The following RPN2 variants were observed in gnomAD, a reference collection of about 807,000 sequenced individuals.
The protein encoded by RPN2 is ribophorin II.
RPN2 carries 29 observed loss-of-function variants against 71.4 expected under a neutral mutation model. The observed-to-expected ratio is 0.41, with a 90% CI of 0.30 to 0.55. The LOEUF is 0.55. Among genes scored for constraint, RPN2 ranks in the 20% least tolerant of loss-of-function variants. RPN2 has a pLI of 0.35. For missense variants in RPN2, 726 were observed against 774.1 expected, an observed-to-expected ratio of 0.94 and a Z score of 0.74; for synonymous variants, 308 against 305.0, an observed-to-expected ratio of 1.01 and a Z score of -0.10.
chr20:37,236,557 T>A (rs1162188399), intron 15 of RPN2, 23 bp from the exon 16 acceptor site: 1 of 1,613,734 alleles, frequency 6.2e-7, no homozygotes, highest in East Asian at 2.2e-5. Flanking sequence ...TTTAATTGGA[T>A]GTCATGACAC....
intron 2 of RPN2, among the ~76,000 whole-genome samples, chr20:37,187,120 G>GT (rs1250643803): frequency 6.6e-6 from 1 of 152,056 alleles, no homozygotes; most frequent in African/African-American, 2.4e-5. Flanking sequence ...GTAGGGATTT[G>GT]TTTTTTCATC....
chr20:37,227,378 C>T (rs2284354), intron 11 of RPN2, among the ~76,000 whole-genome samples: 124,614 of 152,222 alleles, frequency 0.82, 51,700 homozygotes, highest in Middle Eastern at 0.92. Context: ...GAATCATGGC[C>T]TAGAGACCTT....
At chr20:37,233,797 C>T (rs1370501475) in intron 14 of RPN2, among the ~76,000 whole-genome samples, 1 of 152,134 alleles carries the variant, frequency 6.6e-6, no homozygotes, top group African/African-American at 2.4e-5. Context: ...GTTACACGAG[C>T]CCATTTGAGA....
chr20:37,205,107 C>T (rs1222769827), intron 6 of RPN2, among the ~76,000 whole-genome samples: 1 of 152,164 alleles, frequency 6.6e-6, no homozygotes, highest in African/African-American at 2.4e-5. Flanking sequence ...GACGTGTAAA[C>T]AAACCATGCT....
At position 37,204,846 on chromosome 20, in the gene RPN2, T is replaced by C. The variant is rs1568976026; in HGVS notation, c.635T>C (p.Val212Ala). 1 of 1,614,192 alleles carries C rather than the reference T, an allele frequency of 6.2e-7. No homozygotes were observed. Among genetic ancestry groups the C allele is most frequent in the Admixed American group, 1.7e-5 (1 of 60,024 alleles). Reference protein sequence around the residue: ...EEGLETTALFVAATYKLMDHV... With the variant: ...EEGLETTALFAAATYKLMDHV... The stretch of plus-strand genomic sequence containing the variant: ...GGACTGGAAACAACAGCGTTATTTG[T>C]GGCTGCCACCTACAAGCTCATGGAT... The change falls in exon 6 of 17, where the codon GTG (valine) becomes GCG (alanine). Residue 212 changes from valine to alanine, a missense_variant. Physicochemically the swap from Val to Ala is moderately conservative, Grantham distance 64. Coordinates refer to ENST00000237530, the MANE Select transcript of RPN2 (RefSeq NM_002951.5).
rs745642373 is a variant in RPN2 at position 37,234,109 on chromosome 20, G to A, written c.1753+14G>A. The A allele has an allele frequency of 6.2e-7, 1 of 1,613,632 alleles. No homozygotes were observed. Among genetic ancestry groups the A allele is most frequent in the Non-Finnish European group, 8.5e-7 (1 of 1,179,738 alleles). ...TGGGACATGCTGGTAAGTGCCCCAGGCTGCTAATTACCTGTAACGTCCTCT... is the reference window on the plus strand; with the variant it reads ...TGGGACATGCTGGTAAGTGCCCCAGACTGCTAATTACCTGTAACGTCCTCT... On this transcript the variant is annotated intron_variant, in intron 15 of 16. Transcript: ENST00000237530.
intron 2 of RPN2, among the ~76,000 whole-genome samples, chr20:37,192,455 C>T (rs1414644663): frequency 2.0e-5 from 3 of 152,334 alleles, no homozygotes; most frequent in Admixed American, 2.0e-4. Flanking sequence ...GCAGAGGGAG[C>T]CGGCACTCAC....
chr20:37,223,827 C>T (rs767486089), intron 9 of RPN2, 51 bp from the exon 10 acceptor site: 5 of 1,476,104 alleles, frequency 3.4e-6, no homozygotes, highest in Non-Finnish European at 2.8e-6. Flanking sequence ...CATGTGAATT[C>T]CTGAACACCC....
intron 6 of RPN2, among the ~76,000 whole-genome samples, chr20:37,205,201 C>G (rs2067485993): frequency 1.3e-5 from 2 of 151,902 alleles, no homozygotes; most frequent in South Asian, 4.1e-4. Context: ...CCTTTCTTCC[C>G]AGTACCCTTT....
intron 7 of RPN2, among the ~76,000 whole-genome samples, chr20:37,208,228 C>T (rs920341387): frequency 1.3e-5 from 2 of 150,120 alleles, no homozygotes; most frequent in African/African-American, 4.9e-5. Flanking sequence ...CGAGACTGCA[C>T]CACTGCACTC....
At position 37,198,446 on chromosome 20, in the gene RPN2, C is replaced by A. The variant is rs764273596; in HGVS notation, c.257C>A (p.Ser86Tyr). Residue 86 changes from serine to tyrosine, a missense_variant, in exon 3 of 17, where the codon TCC becomes TAC. Physicochemically the swap from Ser to Tyr is moderately radical, Grantham distance 144. Transcript: ENST00000237530. ...AACCTTGATCCCAGCAATGTGGATTCCCTCTTCTACGCTGCCCAGGCCAGC... is the reference window on the plus strand; with the variant it reads ...AACCTTGATCCCAGCAATGTGGATTACCTCTTCTACGCTGCCCAGGCCAGC... ...RSNLDPSNVDSLFYAAQASQA... is the reference protein window; with the variant it reads ...RSNLDPSNVDYLFYAAQASQA... 11 of 1,614,100 alleles carry A rather than the reference C, an allele frequency of 6.8e-6. No individual in the cohort carries two copies. In the African/African-American group the frequency reaches 1.3e-4, roughly 20 times the overall value.
chr20:37,191,116 G>A (rs1380522690), intron 2 of RPN2, among the ~76,000 whole-genome samples: 3 of 152,140 alleles, frequency 2.0e-5, no homozygotes, highest in Non-Finnish European at 4.4e-5. Context: ...GGGAGAAATG[G>A]GGTTTAATGA....
At chr20:37,184,102 T>C (rs2066945309) in intron 1 of RPN2, 78 bp from the exon 2 acceptor site, 38 of 1,538,928 alleles carry the variant, frequency 2.5e-5, no homozygotes, top group Non-Finnish European at 3.1e-5. Flanking sequence ...TCCCAGATCT[T>C]GGTGTGCATC....
Position 37,198,506 on chromosome 20 carries a change from C to G in RPN2, c.303+14C>G, listed in dbSNP as rs6104015. ...TCAGGATGTGAGGTGAGTCCGGGTTCCTACGCTGACAATGACTTTAACTAT... is the reference window on the plus strand; with the variant it reads ...TCAGGATGTGAGGTGAGTCCGGGTTGCTACGCTGACAATGACTTTAACTAT... On this transcript the variant is annotated intron_variant, in intron 3 of 16. Coordinates refer to ENST00000237530, the MANE Select transcript of RPN2 (RefSeq NM_002951.5). 1 of 1,614,050 alleles carries G rather than the reference C, an allele frequency of 6.2e-7. No individual in the cohort carries two copies. Among genetic ancestry groups the G allele is most frequent in the Admixed American group, 1.7e-5 (1 of 59,974 alleles).
At chr20:37,188,263 G>A (rs1199204996) in intron 2 of RPN2, among the ~76,000 whole-genome samples, 1 of 152,044 alleles carries the variant, frequency 6.6e-6, no homozygotes, top group African/African-American at 2.4e-5. Flanking sequence ...CCGCCTGCTG[G>A]GTTCAAGCGA....
intron 13 of RPN2, among the ~76,000 whole-genome samples, chr20:37,230,963 G>A (rs2068227825): frequency 6.6e-6 from 1 of 151,818 alleles, no homozygotes; most frequent in African/African-American, 2.4e-5. Flanking sequence ...AGGAACAGGA[G>A]GCTCAAGTGG....
In RPN2 at chr20:37,228,694, T is replaced by C; in HGVS notation, c.1444T>C (p.Tyr482His). Reference sequence around the variant, plus strand: ...CTCTGCCTCTGGCACCTACACTCTCTACTTAATCATTGGAGATGCCACTTT... The same window carrying C: ...CTCTGCCTCTGGCACCTACACTCTCCACTTAATCATTGGAGATGCCACTTT... ...FDSASGTYTL[Y>H]LIIGDATLKN... Residue 482 changes from tyrosine to histidine, a missense_variant, in exon 12 of 17, where the codon TAC (tyrosine) becomes CAC (histidine). Coordinates refer to ENST00000237530, the MANE Select transcript of RPN2 (RefSeq NM_002951.5). 1 of 1,614,242 alleles carries C rather than the reference T, an allele frequency of 6.2e-7. No individual in the cohort carries two copies. Among genetic ancestry groups the C allele is most frequent in the Non-Finnish European group, 8.5e-7 (1 of 1,180,028 alleles).
At position 37,207,363 on chromosome 20, in the gene RPN2, G is replaced by C; in HGVS notation, c.781G>C (p.Val261Leu). 1 of 1,614,148 alleles carries C rather than the reference G, an allele frequency of 6.2e-7. No homozygotes were observed. The highest frequency in any genetic ancestry group is 1.1e-5 in the South Asian group (1 of 91,084). ...CTTCAGCGTGGCCTCTGCAGCTGCT[G>C]TGCTCTCGCATAATCGCTACCACGT... Reference protein sequence around the residue: ...EAFSVASAAAVLSHNRYHVPV... With the variant: ...EAFSVASAAALLSHNRYHVPV... Residue 261 changes from valine (V) to leucine (L), a missense_variant, in exon 7 of 17, where the codon GTG becomes CTG. Coordinates refer to ENST00000237530, the MANE Select transcript of RPN2 (RefSeq NM_002951.5).
intron 4 of RPN2, among the ~76,000 whole-genome samples, chr20:37,199,577 C>T (rs1477166700): frequency 6.6e-6 from 1 of 152,114 alleles, no homozygotes; most frequent in Admixed American, 6.5e-5. Context: ...CTTGTTGAGG[C>T]TTGGCTAGGG....
Sources: allele counts gnomAD v4.1 joint callset (sites outside exome capture counted in the v4.1 genomes callset), GRCh38; gene constraint gnomAD v4.1.1; transcripts MANE v1.5; gene names NCBI Gene and HGNC (gene_info 2026-07-23, HGNC 2026-07-21).